The following GAGE12J variants were observed in gnomAD, a reference collection of about 807,000 sequenced individuals.
GAGE12J encodes the protein G antigen 12J, also known as G antigen 11.
A neutral mutation model predicts 8.5 loss-of-function variants in GAGE12J; 5 were observed. That is an observed-to-expected ratio of 0.59 (90% CI 0.31 to 1.24). GAGE12J has a LOEUF of 1.24. Among genes scored for constraint, GAGE12J ranks in the 50% most tolerant of loss-of-function variants. The pLI, the probability that GAGE12J is intolerant of heterozygous loss-of-function variation, is 0.06. For synonymous variants in GAGE12J, 10 were observed against 19.2 expected, an observed-to-expected ratio of 0.52 and a Z score of 1.25; for missense variants, 26 against 63.0, an observed-to-expected ratio of 0.41 and a Z score of 1.99.
rs1195909223 is a variant in GAGE12J at position 49,328,092 on chromosome X, CTTTTA to C, written c.332-1175_332-1171del. ...TAATGAACAATTGCTTCTTTTTTTT[CTTTTA>C]TTTATTTATTTATTTATTTATTGTT... On this transcript the variant is annotated intron_variant, in intron 4 of 4. Transcript: ENST00000442437. Among the ~76,000 whole-genome samples, 2 of 71,998 alleles carry C rather than the reference CTTTTA, an allele frequency of 2.8e-5. 1 individual carries two copies. Among genetic ancestry groups the C allele is most frequent in the Non-Finnish European group, 7.0e-5 (2 of 28,508 alleles). 62.5% of individuals were successfully genotyped at this position (71,998 alleles called of 115,157 possible).
rs373796816 is a variant in GAGE12J at position 49,323,301 on chromosome X, A to T, written c.84+24A>T. Reference sequence around the variant, plus strand: ...GGGTGAGTGCTTGAACGTTAATTCGATGTTTTCTATTAGTAGAAATTAATT... The same window carrying T: ...GGGTGAGTGCTTGAACGTTAATTCGTTGTTTTCTATTAGTAGAAATTAATT... On this transcript the variant is annotated intron_variant, in intron 2 of 4. Coordinates refer to ENST00000442437, the MANE Select transcript of GAGE12J (RefSeq NM_001098406.4). 41 of 1,119,529 alleles carry T rather than the reference A, an allele frequency of 3.7e-5. 1 individual carries two copies. In the African/African-American group the frequency reaches 6.8e-4, roughly 19 times the overall value. The allele number at this position is 1,119,529 out of a possible 1,213,427, so 92.3% of individuals were successfully genotyped here.
intron 1 of GAGE12J, among the ~76,000 whole-genome samples, 159 bp downstream of exon 1, chrX:49,322,303 C>G (rs1347536103): frequency 9.8e-6 from 1 of 102,352 alleles, no homozygotes; most frequent in South Asian, 4.5e-4. Context: ...AGGCCACCGG[C>G]GGCTTCGTGG....
intron 3 of GAGE12J, among the ~76,000 whole-genome samples, chrX:49,324,201 CAT>C (rs2066436244): frequency 2.1e-5 from 2 of 94,591 alleles, no homozygotes; most frequent in South Asian, 5.7e-4. Flanking sequence ...GTCTTCCTAT[CAT>C]GTGTGTTGCT....
In GAGE12J at chrX:49,328,197, A is replaced by G. The variant is rs6609884; in HGVS notation, c.332-1074A>G. On this transcript the variant is annotated intron_variant, in intron 4 of 4. Transcript: ENST00000442437. ...ATGTATACATGTGCCATGCTGTTGC[A>G]CTGCACCCACTATCTCATCATCTAG... Among the ~76,000 whole-genome samples, 434 of 73,789 alleles carry G rather than the reference A, an allele frequency of 5.9e-3. 45 individuals are homozygous for G. The highest frequency in any genetic ancestry group is 0.013 in the African/African-American group (376 of 28,134). 64.1% of individuals were successfully genotyped at this position (73,789 alleles called of 115,157 possible). A position where few individuals can be genotyped will look rare whatever the true frequency, so the allele number is the denominator to read the frequency against.
Position 49,323,284 on chromosome X carries a change from G to C in GAGE12J, c.84+7G>C. The stretch of plus-strand genomic sequence containing the variant: ...AATGATTGGGCCTATGCGGGTGAGT[G>C]CTTGAACGTTAATTCGATGTTTTCT... On this transcript the variant is annotated splice_region_variant and intron_variant, in intron 2 of 4. Transcript: ENST00000442437. 8.7e-7 allele frequency: 1 copy of C among 1,144,360 alleles called. No homozygotes were observed. The highest frequency in any genetic ancestry group is 1.2e-6 in the Non-Finnish European group (1 of 843,308). 94.3% of individuals were successfully genotyped at this position (1,144,360 alleles called of 1,213,427 possible). A position where few individuals can be genotyped will look rare whatever the true frequency, so the allele number is the denominator to read the frequency against.
intron 2 of GAGE12J, 104 bp from the exon 3 acceptor site, chrX:49,323,639 C>G: frequency 3.0e-6 from 2 of 663,669 alleles, no homozygotes; most frequent in Non-Finnish European, 4.5e-6. Context: ...TGTCTTTAGG[C>G]TTAGTTAGGA....
intron 1 of GAGE12J, among the ~76,000 whole-genome samples, chrX:49,322,475 G>A (rs1372161315): frequency 9.4e-6 from 1 of 106,710 alleles, no homozygotes; most frequent in East Asian, 2.9e-4. Flanking sequence ...CTCCGGCGGG[G>A]GCGAGGCGGG....
In GAGE12J at chrX:49,323,431, AT is replaced by A. The variant is rs1283688708; in HGVS notation, c.84+164del. ...ATGAAGGAAACATTGATTCTGGAGG[AT>A]TTTTTTTTTCCTCTCGTGTTCTTCA... On this transcript the variant is annotated intron_variant, in intron 2 of 4. Transcript: ENST00000442437. Among the ~76,000 whole-genome samples the A allele has an allele frequency of 1.6e-3, 147 of 91,035 alleles. 4 individuals are homozygous for A. Among genetic ancestry groups the A allele is most frequent in the Non-Finnish European group, 2.3e-3 (100 of 43,802 alleles). The allele number at this position is 91,035 out of a possible 115,157, so 79.1% of individuals were successfully genotyped here.
At chrX:49,328,181 T>C (rs1231396469) in intron 4 of GAGE12J, among the ~76,000 whole-genome samples, 1 of 75,491 alleles carries the variant, frequency 1.3e-5, no homozygotes, top group African/African-American at 3.5e-5. Flanking sequence ...TATGTATACA[T>C]GTGCCATGCT....
At chrX:49,328,120 G>A (rs1299985146) in intron 4 of GAGE12J, among the ~76,000 whole-genome samples, 70 of 71,299 alleles carry the variant, frequency 9.8e-4, no homozygotes, top group African/African-American at 9.3e-4. Flanking sequence ...TTTATTTATT[G>A]TTATACTTTA....
intron 3 of GAGE12J, among the ~76,000 whole-genome samples, chrX:49,324,684 G>C (rs2066437720): frequency 1.6e-5 from 1 of 61,889 alleles, no homozygotes; most frequent in Non-Finnish European, 3.9e-5. Flanking sequence ...TTCTCAGTGC[G>C]GGACAGTATA....
chrX:49,325,566 G>A (rs1478334239), intron 3 of GAGE12J, among the ~76,000 whole-genome samples: 2 of 79,426 alleles, frequency 2.5e-5, no homozygotes, highest in African/African-American at 6.9e-5. Flanking sequence ...TCTTCCCTCC[G>A]TCTCTTACCG....
At chrX:49,323,324 A>T (rs2066429729) in intron 2 of GAGE12J, 47 bp downstream of exon 2, 1 of 1,064,573 alleles carries the variant, frequency 9.4e-7, no homozygotes. Context: ...GTAGAAATTA[A>T]TTTTTGTGAT....
At chrX:49,327,955 C>T (rs2066450342) in intron 4 of GAGE12J, among the ~76,000 whole-genome samples, 2 of 31,683 alleles carry the variant, frequency 6.3e-5, no homozygotes, top group African/African-American at 1.0e-4. Flanking sequence ...CTCAGCCTCC[C>T]GAGTGGCTGG....
chrX:49,323,874 G>A lies in GAGE12J; in HGVS notation c.205+11G>A, dbSNP rs2147993288. 1 of 1,151,994 alleles carries A rather than the reference G, an allele frequency of 8.7e-7. No individual in the cohort carries two copies. The highest frequency in any genetic ancestry group is 1.8e-5 in the South Asian group (1 of 55,190). 94.9% of individuals were successfully genotyped at this position (1,151,994 alleles called of 1,213,427 possible). On this transcript the variant is annotated intron_variant, in intron 3 of 4. Coordinates refer to ENST00000442437, the MANE Select transcript of GAGE12J (RefSeq NM_001098406.4). ...CATCTGCAGGTCAAGGTGAGGGAAA[G>A]GGAAGAAGAACGTCTGCTGGTGTGT...
At chrX:49,325,627 A>G (rs1217256507) in intron 3 of GAGE12J, among the ~76,000 whole-genome samples, 1 of 79,892 alleles carries the variant, frequency 1.3e-5, no homozygotes, top group African/African-American at 3.4e-5. Flanking sequence ...ACTGTTATTA[A>G]TGCTGAATTG....
At position 49,323,262 on chromosome X, in the gene GAGE12J, G is replaced by A; in HGVS notation, c.69G>A (p.Met23Ile). 8.7e-7 allele frequency: 1 copy of A among 1,147,892 alleles called. No homozygotes were observed. The highest frequency in any genetic ancestry group is 1.2e-6 in the Non-Finnish European group (1 of 844,497). 94.6% of individuals were successfully genotyped at this position (1,147,892 alleles called of 1,213,427 possible). Residue 23 changes from methionine (M) to isoleucine (I), a missense_variant, in exon 2 of 5, where the codon ATG (methionine) becomes ATA (isoleucine). Physicochemically the swap from Met to Ile is conservative, Grantham distance 10. Coordinates refer to ENST00000442437, the MANE Select transcript of GAGE12J (RefSeq NM_001098406.4). Reference protein sequence around the residue: ...RPRPYVQPPEMIGPMRPEQFS... With the variant: ...RPRPYVQPPEIIGPMRPEQFS... ...GACCCTATGTACAGCCTCCTGAAAT[G>A]ATTGGGCCTATGCGGGTGAGTGCTT...
chrX:49,325,666 C>T (rs1179333126), intron 3 of GAGE12J, among the ~76,000 whole-genome samples: 2 of 79,254 alleles, frequency 2.5e-5, no homozygotes, highest in Admixed American at 2.6e-4. Flanking sequence ...TATTATGGTC[C>T]TTTACCCTAT....
chrX:49,322,453 C>A (rs1458135263), intron 1 of GAGE12J, among the ~76,000 whole-genome samples: 1 of 108,077 alleles, frequency 9.3e-6, no homozygotes, highest in African/African-American at 3.3e-5. Context: ...GGGCAGATTC[C>A]CTGAATGGGG....
Sources: gnomAD v4.1 joint callset for allele counts (sites outside exome capture counted in the v4.1 genomes callset) on GRCh38, gnomAD v4.1.1 for gene constraint, MANE v1.5 for transcripts, NCBI Gene and HGNC (gene_info 2026-07-23, HGNC 2026-07-21) for gene names.